The following TTLL9 variants were observed in gnomAD, a reference collection of about 807,000 sequenced individuals.
TTLL9 encodes the protein probable tubulin polyglutamylase TTLL9.
Under a neutral mutation model 65.6 loss-of-function variants are expected in TTLL9, and 47 were observed. That is an observed-to-expected ratio of 0.72 (90% CI 0.57 to 0.91). TTLL9 has a LOEUF of 0.91. Among genes scored for constraint, TTLL9 ranks in the 40% least tolerant of loss-of-function variants. TTLL9 has a pLI of 0.00. For missense variants in TTLL9, 537 were observed against 568.8 expected (o/e 0.94, Z 0.57); for synonymous variants, 179 against 204.8 (o/e 0.87, Z 1.07).
chr20:31,934,539 G>T (rs894561451), intron 11 of TTLL9, 153 bp from the exon 12 acceptor site: 79 of 724,138 alleles, frequency 1.1e-4, no homozygotes, highest in Non-Finnish European at 1.8e-4. Context: ...TCAAAGAGGG[G>T]CACACCTGGG....
chr20:31,934,608 C>G, intron 11 of TTLL9, 84 bp from the exon 12 acceptor site: 3 of 1,280,450 alleles, frequency 2.3e-6, no homozygotes, highest in Non-Finnish European at 3.2e-6. Flanking sequence ...AAGGGAAACA[C>G]TGAGAGCAAT....
intron 11 of TTLL9, chr20:31,934,418 G>T (rs1764295045): frequency 4.9e-6 from 3 of 609,994 alleles, no homozygotes; most frequent in Non-Finnish European, 9.2e-6. Flanking sequence ...GGTCAGTGTG[G>T]TCTGTCCTTA....
At chr20:31,923,895 G>C (rs374882657) in intron 8 of TTLL9, among the ~76,000 whole-genome samples, 39 of 152,030 alleles carry the variant, frequency 2.6e-4, no homozygotes, top group African/African-American at 7.2e-4. Flanking sequence ...CCAGCTTTCT[G>C]TCCCCAGCCG....
Position 31,943,847 on chromosome 20 carries a change from T to A in TTLL9, c.*826T>A. 1 of 456,506 alleles carries A rather than the reference T, an allele frequency of 2.2e-6. No homozygotes were observed. The highest frequency in any genetic ancestry group is 1.5e-5 in the South Asian group (1 of 64,556). The allele number at this position is 456,506 out of a possible 1,614,324, so 28.3% of individuals were successfully genotyped here. A position where few individuals can be genotyped will look rare whatever the true frequency, so the allele number is the denominator to read the frequency against. ...GCAGGACAGCTTCGGGAGTTGAGTGTGAGTAAAAATCTGCCTTTTCACATC... is the reference window on the plus strand; with the variant it reads ...GCAGGACAGCTTCGGGAGTTGAGTGAGAGTAAAAATCTGCCTTTTCACATC... On this transcript the variant is annotated 3_prime_UTR_variant, in exon 15 of 15. Transcript: ENST00000535842.
intron 2 of TTLL9, among the ~76,000 whole-genome samples, chr20:31,878,988 C>A (rs1044702100): frequency 6.6e-6 from 1 of 152,156 alleles, no homozygotes; most frequent in Non-Finnish European, 1.5e-5. Context: ...CCAGAAAGTT[C>A]CTTCATGTCC....
chr20:31,889,543 C>T (rs562675892), intron 3 of TTLL9, among the ~76,000 whole-genome samples: 1 of 151,938 alleles, frequency 6.6e-6, no homozygotes, highest in African/African-American at 2.4e-5. Flanking sequence ...CTGCCTCAGC[C>T]TCCCTAGTAG....
intron 10 of TTLL9, among the ~76,000 whole-genome samples, chr20:31,928,048 CTTT>C (rs11339322): frequency 2.0e-5 from 3 of 146,474 alleles, no homozygotes; most frequent in African/African-American, 2.5e-5. Flanking sequence ...TTGCCACCTA[CTTT>C]TTTTTTTTTT....
intron 4 of TTLL9, among the ~76,000 whole-genome samples, chr20:31,904,350 C>CTTTTTTTTT (rs71185374): frequency 3.7e-5 from 3 of 81,766 alleles, no homozygotes; most frequent in Admixed American, 1.7e-4. Context: ...TTTGATAATT[C>CTTTTTTTTT]TTTTTTTTTT....
In TTLL9 at chr20:31,900,274, A is replaced by G. The variant is rs115935451; in HGVS notation, c.206+1709A>G. On this transcript the variant is annotated intron_variant, in intron 4 of 14. Transcript: ENST00000535842. ...GCATGATCTTTTAATCATCCCAACA[A>G]ATCTTTCAGGTAGGTGTTATCATCA... 4.1e-3 allele frequency among the ~76,000 whole-genome samples: 621 copies of G among 152,254 alleles called. 4 individuals are homozygous for G. The highest frequency in any genetic ancestry group is 0.014 in the African/African-American group (588 of 41,536).
intron 9 of TTLL9, 101 bp from the exon 10 acceptor site, chr20:31,925,948 A>C: frequency 6.4e-7 from 1 of 1,568,978 alleles, no homozygotes; most frequent in Non-Finnish European, 8.6e-7. Context: ...ACTGAACAGC[A>C]TTGATGACCA....
chr20:31,934,173 A>G (rs1600623112), intron 11 of TTLL9: 2 of 509,036 alleles, frequency 3.9e-6, no homozygotes, highest in East Asian at 3.9e-5. Flanking sequence ...TCATACAGAT[A>G]TATTTTATCT....
chr20:31,881,987 G>C (rs1011046554), intron 2 of TTLL9, among the ~76,000 whole-genome samples: 4 of 152,192 alleles, frequency 2.6e-5, no homozygotes. Flanking sequence ...GAAAGGGAAA[G>C]AAAGGTCTCC....
intron 5 of TTLL9, among the ~76,000 whole-genome samples, chr20:31,909,111 C>T (rs1027427291): frequency 7.6e-6 from 1 of 131,732 alleles, no homozygotes; most frequent in Admixed American, 8.1e-5. Flanking sequence ...TGTAGCTTAG[C>T]GGTTGAAAGC....
chr20:31,872,428 G>A (rs2062949767), intron 2 of TTLL9, among the ~76,000 whole-genome samples: 1 of 151,246 alleles, frequency 6.6e-6, no homozygotes, highest in Non-Finnish European at 1.5e-5. Flanking sequence ...TGTAATCCCA[G>A]AACTTTGGGA....
rs201626737 is a variant in TTLL9, at chr20:31,909,743, C to T, written c.325C>T (p.Arg109Trp). ...TGTCCTTCCCGCCACCCAGCTGACC[C>T]GGAAGAACTACATGGTGAAGAACCT... is the stretch of plus-strand genomic sequence containing the variant. Reference protein sequence around the residue: ...SHFRNHYELTRKNYMVKNLKR... With the variant: ...SHFRNHYELTWKNYMVKNLKR... Residue 109 changes from arginine to tryptophan, a missense_variant, in exon 6 of 15, where the codon CGG (arginine) becomes TGG (tryptophan). Arg to Trp is a moderately radical substitution (Grantham distance 101, BLOSUM62 -3). Coordinates refer to ENST00000535842, the MANE Select transcript of TTLL9 (RefSeq NM_001008409.5). 107 of 1,613,356 alleles carry T rather than the reference C, an allele frequency of 6.6e-5. No homozygotes were observed. Among genetic ancestry groups the T allele is most frequent in the African/African-American group, 2.8e-4 (21 of 74,868 alleles).
At chr20:31,896,133 C>G (rs2063384293) in intron 3 of TTLL9, among the ~76,000 whole-genome samples, 1 of 152,150 alleles carries the variant, frequency 6.6e-6, no homozygotes, top group African/African-American at 2.4e-5. Flanking sequence ...AGCCACTGCG[C>G]CCGGCCTGAT....
chr20:31,873,470 G>A (rs940515588), intron 2 of TTLL9, among the ~76,000 whole-genome samples: 1 of 151,890 alleles, frequency 6.6e-6, no homozygotes, highest in East Asian at 1.9e-4. Context: ...GCAACATGGC[G>A]AAATTTCGTC....
At chr20:31,942,474 G>A (rs963207909) in intron 14 of TTLL9, among the ~76,000 whole-genome samples, 9 of 148,424 alleles carry the variant, frequency 6.1e-5, no homozygotes, top group African/African-American at 2.4e-4. Context: ...GAGGTGCCAG[G>A]CACTGTGCTA....
intron 2 of TTLL9, among the ~76,000 whole-genome samples, chr20:31,883,489 C>G (rs2063146997): frequency 6.6e-6 from 1 of 152,118 alleles, no homozygotes; most frequent in Non-Finnish European, 1.5e-5. Context: ...AGCCACTGTG[C>G]CCAGCAAGAA....
Sources: gnomAD v4.1 joint callset for allele counts (sites outside exome capture counted in the v4.1 genomes callset) on GRCh38, gnomAD v4.1.1 for gene constraint, MANE v1.5 for transcripts, NCBI Gene and HGNC (gene_info 2026-07-23, HGNC 2026-07-21) for gene names.